NUDT13: variants seen among roughly 807,000 people sequenced by gnomAD.
NUDT13 encodes the protein NAD(P)H pyrophosphatase NUDT13, mitochondrial.
NUDT13 carries 40 observed loss-of-function variants against 41.7 expected under a neutral mutation model. The ratio of observed to expected loss-of-function variants is 0.96; its 90% CI spans 0.75 to 1.25. The LOEUF is 1.25. Among genes scored for constraint, NUDT13 ranks in the 50% most tolerant of loss-of-function variants. The pLI, the probability that NUDT13 is intolerant of heterozygous loss-of-function variation, is 0.00. For missense variants in NUDT13, 390 were observed against 416.1 expected (o/e 0.94, Z 0.55); for synonymous variants, 145 against 155.5 (o/e 0.93, Z 0.50).
intron 4 of NUDT13, 123 bp downstream of exon 4, chr10:73,122,432 A>C: frequency 1.1e-6 from 1 of 952,030 alleles, no homozygotes; most frequent in Non-Finnish European, 1.6e-6. Flanking sequence ...CTATTTTTTA[A>C]AAAAGGACAT....
rs367709273 is a variant in NUDT13, at chr10:73,125,417, C to T, written c.611C>T (p.Thr204Met). The T allele has an allele frequency of 3.9e-5, 63 of 1,613,566 alleles. No individual in the cohort carries two copies. Among genetic ancestry groups the T allele is most frequent in the Middle Eastern group, 1.6e-4 (1 of 6,064 alleles). ...YYPQMAPVAI[T>M]LVSDGTRCLL... is the part of the protein sequence containing the mutation. The stretch of plus-strand genomic sequence containing the variant: ...TCCTAGATGGCTCCTGTGGCGATCA[C>T]GCTGGTGTCAGATGGGACCCGATGC... The change falls in exon 7 of 9, where the codon ACG becomes ATG. Residue 204 changes from threonine (T) to methionine (M), a missense_variant. Thr to Met is a moderately conservative substitution (Grantham distance 81). Coordinates refer to ENST00000357321, the MANE Select transcript of NUDT13 (RefSeq NM_015901.6).
chr10:73,124,308 C>T lies in NUDT13; in HGVS notation c.453C>T (p.Ser151=), dbSNP rs1432424923. The change falls in exon 5 of 9, where the codon TCC becomes TCT. Residue 151 remains serine, a synonymous_variant. Coordinates refer to ENST00000357321, the MANE Select transcript of NUDT13 (RefSeq NM_015901.6). ...ALFQLNARDA[S]LLSTAQALLR... Reference sequence around the variant, plus strand: ...TTCAACTCAATGCAAGGGATGCCTCCTTGCTGTCCACGGTAGATTCTGATT... The same window carrying T: ...TTCAACTCAATGCAAGGGATGCCTCTTTGCTGTCCACGGTAGATTCTGATT... 6.2e-7 allele frequency: 1 copy of T among 1,609,654 alleles called. No homozygotes were observed.
At chr10:73,124,115 G>A in intron 4 of NUDT13, 99 bp from the exon 5 acceptor site, 1 of 787,736 alleles carries the variant, frequency 1.3e-6, no homozygotes, top group South Asian at 1.6e-5. Context: ...ATCTTACGAG[G>A]CAAGTTTGGG....
chr10:73,124,338 A>C lies in NUDT13; in HGVS notation c.465+18A>C. 765 of 1,547,266 alleles carry C rather than the reference A, an allele frequency of 4.9e-4. No homozygotes were observed. Among genetic ancestry groups the C allele is most frequent in the Non-Finnish European group, 6.3e-4 (703 of 1,121,474 alleles). ...TGTCCACGGTAGATTCTGATTTCTC[A>C]TTCTGTAGGAAATTTAGTAGAGCAG... On this transcript the variant is annotated intron_variant, in intron 5 of 8. Coordinates refer to ENST00000357321, the MANE Select transcript of NUDT13 (RefSeq NM_015901.6).
At chr10:73,123,119 C>T (rs1842687453) in intron 4 of NUDT13, among the ~76,000 whole-genome samples, 1 of 151,624 alleles carries the variant, frequency 6.6e-6, no homozygotes, top group African/African-American at 2.4e-5. Context: ...AGGCTGGTCT[C>T]GAACTCCTGA....
chr10:73,126,728 G>GGTGGAAAGCCTGCAGTACT lies in NUDT13; in HGVS notation c.760_778dup (p.Tyr260CysfsTer16). On this transcript the variant is annotated frameshift_variant, in exon 8 of 9. Transcript: ENST00000357321. LOFTEE classifies it high-confidence loss of function. ...AAGTTGCAGAAGAGGTGGGATTGGA[G>GGTGGAAAGCCTGCAGTACT]GTGGAAAGCCTGCAGTACTATGCAT... is the stretch of plus-strand genomic sequence containing the variant. 1 of 1,614,126 alleles carries GGTGGAAAGCCTGCAGTACT rather than the reference G, an allele frequency of 6.2e-7. No homozygotes were observed. Among genetic ancestry groups the GGTGGAAAGCCTGCAGTACT allele is most frequent in the Non-Finnish European group, 8.5e-7 (1 of 1,180,000 alleles).
chr10:73,125,523 G>A lies in NUDT13; in HGVS notation c.703+14G>A. On this transcript the variant is annotated intron_variant, in intron 7 of 8. Coordinates refer to ENST00000357321, the MANE Select transcript of NUDT13 (RefSeq NM_015901.6). ...TTTGTGATATAGGTGAGGAGTTTAG[G>A]GGATATACAGGTGACACTGGAAGAT... The A allele has an allele frequency of 1.3e-6, 2 of 1,484,724 alleles. No individual in the cohort carries two copies. Among genetic ancestry groups the A allele is most frequent in the South Asian group, 1.2e-5 (1 of 83,924 alleles). The allele number at this position is 1,484,724 out of a possible 1,614,324, so 92.0% of individuals were successfully genotyped here. A position where few individuals can be genotyped will look rare whatever the true frequency, so the allele number is the denominator to read the frequency against.
intron 8 of NUDT13, among the ~76,000 whole-genome samples, chr10:73,128,391 C>T (rs1035668975): frequency 3.3e-5 from 5 of 151,992 alleles, no homozygotes; most frequent in Non-Finnish European, 7.4e-5. Context: ...ACTTGCTGTC[C>T]GTTGTACTTT....
Position 73,117,224 on chromosome 10 carries a change from G to A in NUDT13, c.83+2776G>A, listed in dbSNP as rs188151581. ...TTATTAAATAGAGTCTAAAATTTAA[G>A]TATGTTAAAGTGATTAAATAAATCT... is the stretch of plus-strand genomic sequence containing the variant. On this transcript the variant is annotated intron_variant, in intron 2 of 8. Transcript: ENST00000357321. 2.6e-5 allele frequency among the ~76,000 whole-genome samples: 4 copies of A among 151,746 alleles called. No individual in the cohort carries two copies. The East Asian group carries it at 7.7e-4, about 29-fold the overall frequency.
At chr10:73,115,474 G>A (rs1589652982) in intron 2 of NUDT13, among the ~76,000 whole-genome samples, 6 of 152,096 alleles carry the variant, frequency 3.9e-5, no homozygotes, top group African/African-American at 1.2e-4. Flanking sequence ...AAACCTGGCC[G>A]AAAAATTTTA....
intron 5 of NUDT13, 102 bp from the exon 6 acceptor site, chr10:73,125,016 T>G: frequency 1.5e-6 from 2 of 1,356,920 alleles, no homozygotes; most frequent in Non-Finnish European, 2.0e-6. Flanking sequence ...GTAAAGAGAT[T>G]GGCATTTTTC....
intron 1 of NUDT13, among the ~76,000 whole-genome samples, chr10:73,110,868 T>A (rs1842348070): frequency 6.6e-6 from 1 of 152,142 alleles, no homozygotes; most frequent in East Asian, 1.9e-4. Flanking sequence ...GGGAAAATTA[T>A]TTTTTAGAAA....
At chr10:73,125,358 C>A in intron 6 of NUDT13, 40 bp from the exon 7 acceptor site, 3 of 1,610,096 alleles carry the variant, frequency 1.9e-6, no homozygotes, top group Non-Finnish European at 2.5e-6. Flanking sequence ...TTGGCAGGGC[C>A]CAAAGTGCCA....
chr10:73,112,148 C>T (rs1300133328), intron 1 of NUDT13, among the ~76,000 whole-genome samples: 1 of 152,022 alleles, frequency 6.6e-6, no homozygotes, highest in Non-Finnish European at 1.5e-5. Flanking sequence ...AACAGGAGTT[C>T]GAGACCAGCC....
At chr10:73,126,998 CTT>C (rs1842805220) in intron 8 of NUDT13, among the ~76,000 whole-genome samples, 171 bp downstream of exon 8, 1 of 152,192 alleles carries the variant, frequency 6.6e-6, no homozygotes, top group Admixed American at 6.5e-5. Flanking sequence ...AATCCCAACA[CTT>C]TGGGAGGCTG....
At chr10:73,128,023 G>T (rs1842834586) in intron 8 of NUDT13, among the ~76,000 whole-genome samples, 1 of 152,072 alleles carries the variant, frequency 6.6e-6, no homozygotes, top group South Asian at 2.1e-4. Context: ...ATATAAGTGA[G>T]ATCATGCAAT....
intron 7 of NUDT13, chr10:73,126,285 T>C (rs12569493): frequency 0.1 from 18,196 of 173,654 alleles, 1,468 homozygotes; most frequent in East Asian, 0.31. Flanking sequence ...TATTTTTTGA[T>C]GCATAGATTG....
intron 4 of NUDT13, among the ~76,000 whole-genome samples, chr10:73,123,879 G>A (rs1311377478): frequency 6.6e-6 from 1 of 151,962 alleles, no homozygotes; most frequent in African/African-American, 2.4e-5. Context: ...GGCTGGTCTC[G>A]AACTCCTGAC....
intron 4 of NUDT13, among the ~76,000 whole-genome samples, chr10:73,122,908 T>C (rs1842681300): frequency 6.7e-6 from 1 of 149,304 alleles, no homozygotes; most frequent in South Asian, 2.1e-4. Flanking sequence ...TTCTTTTTTT[T>C]TTTTTTTTTG....
Sources: allele counts gnomAD v4.1 joint callset (sites outside exome capture counted in the v4.1 genomes callset), GRCh38; gene constraint gnomAD v4.1.1; transcripts MANE v1.5; gene names NCBI Gene and HGNC (gene_info 2026-07-23, HGNC 2026-07-21).